Variants in LRMDA observed in about 807,000 individuals in gnomAD.
LRMDA encodes leucine rich melanocyte differentiation associated, also known as leucine-rich melanocyte differentiation-associated protein.
A neutral mutation model predicts 29.8 loss-of-function variants in LRMDA; 18 were observed. That is an observed-to-expected ratio of 0.60 (90% CI 0.42 to 0.90). The LOEUF (loss-of-function observed/expected upper bound fraction) is 0.90, where lower values mean the gene tolerates loss of function less well. Among genes scored for constraint, LRMDA ranks in the 40% least tolerant of loss-of-function variants. The probability of loss-of-function intolerance (pLI) is 0.00; values close to 1 mark genes in which losing one functional copy is unlikely to be tolerated. For synonymous variants in LRMDA, 125 were observed against 109.4 expected, an observed-to-expected ratio of 1.14 and a Z score of -0.89; for missense variants, 273 against 273.9, an observed-to-expected ratio of 1.00 and a Z score of 0.02.
chr10:76,225,541 A>T (rs1173717431), intron 5 of LRMDA, among the ~76,000 whole-genome samples: 2 of 152,032 alleles, frequency 1.3e-5, no homozygotes, highest in African/African-American at 2.4e-5. Context: ...TTGCTCTATT[A>T]TAAGTTCCTG....
intron 5 of LRMDA, among the ~76,000 whole-genome samples, chr10:76,221,734 C>CCAATGA (rs1473514177): frequency 1.3e-5 from 2 of 152,178 alleles, no homozygotes; most frequent in African/African-American, 4.8e-5. Context: ...CATCAAGCTA[C>CCAATGA]CAATGACTTT....
At chr10:76,330,801 A>G (rs974951964) in intron 6 of LRMDA, among the ~76,000 whole-genome samples, 1 of 152,206 alleles carries the variant, frequency 6.6e-6, no homozygotes, top group African/African-American at 2.4e-5. Context: ...GATTTCTACT[A>G]TCTTTTCATG....
At chr10:76,019,679 T>C (rs148038177) in intron 2 of LRMDA, among the ~76,000 whole-genome samples, 3 of 152,140 alleles carry the variant, frequency 2.0e-5, no homozygotes, top group African/African-American at 7.2e-5. Context: ...TTATTGACAG[T>C]GTTGTTGTTT....
At chr10:76,427,066 A>G (rs1468859548) in intron 6 of LRMDA, among the ~76,000 whole-genome samples, 1 of 152,222 alleles carries the variant, frequency 6.6e-6, no homozygotes, top group Admixed American at 6.5e-5. Flanking sequence ...CTTTTGGCTT[A>G]GGATTGACTT....
intron 5 of LRMDA, among the ~76,000 whole-genome samples, chr10:76,321,350 T>C (rs547996353): frequency 6.6e-6 from 1 of 152,314 alleles, no homozygotes; most frequent in South Asian, 2.1e-4. Context: ...TACCTGCTAT[T>C]GTGAGACTTA....
At position 76,558,720 on chromosome 10, in the gene LRMDA, C is replaced by T. The variant is rs1002000677; in HGVS notation, c.*1432C>T. On this transcript the variant is annotated 3_prime_UTR_variant, in exon 7 of 7. Transcript: ENST00000611255. ...TGTAAAACTATGGGGACTCAGAATC[C>T]CTAAGCTGCCCAAGGAGAACCTACT... 6.6e-6 allele frequency: 1 copy of T among 152,122 alleles called. No individual in the cohort carries two copies. The highest frequency in any genetic ancestry group is 2.4e-5 in the African/African-American group (1 of 41,418). The allele number at this position is 152,122 out of a possible 1,614,324, so 9.4% of individuals were successfully genotyped here. A position where few individuals can be genotyped will look rare whatever the true frequency, so the allele number is the denominator to read the frequency against.
intron 2 of LRMDA, among the ~76,000 whole-genome samples, chr10:75,849,422 C>G (rs1844694418): frequency 6.6e-6 from 1 of 151,898 alleles, no homozygotes; most frequent in Non-Finnish European, 1.5e-5. Flanking sequence ...ACTATAAAGC[C>G]ATAAAAAGGA....
intron 2 of LRMDA, among the ~76,000 whole-genome samples, chr10:75,613,750 C>G (rs1841064344): frequency 6.6e-6 from 1 of 152,178 alleles, no homozygotes; most frequent in African/African-American, 2.4e-5. Context: ...TGGATGTGAT[C>G]TCTGTTACTT....
At chr10:76,381,328 G>C (rs939884814) in intron 6 of LRMDA, among the ~76,000 whole-genome samples, 7 of 151,616 alleles carry the variant, frequency 4.6e-5, no homozygotes, top group African/African-American at 7.3e-5. Flanking sequence ...TTTGATATTT[G>C]GTATCTTCAA....
At chr10:76,093,303 G>T (rs891825080) in intron 5 of LRMDA, among the ~76,000 whole-genome samples, 3 of 151,182 alleles carry the variant, frequency 2.0e-5, no homozygotes, top group African/African-American at 7.3e-5. Flanking sequence ...GGGATTACAG[G>T]TGCAAGCCAC....
intron 5 of LRMDA, among the ~76,000 whole-genome samples, chr10:76,162,929 A>T (rs534454191): frequency 6.6e-6 from 1 of 152,330 alleles, no homozygotes; most frequent in South Asian, 2.1e-4. Flanking sequence ...TCTAAAAATG[A>T]AAAATCTCCC....
rs530120770 is a variant in LRMDA at position 76,013,522 on chromosome 10, G to C, written c.132-22486G>C. Among the ~76,000 whole-genome samples, 15 of 152,186 alleles carry C rather than the reference G, an allele frequency of 9.9e-5. No homozygotes were observed. In the South Asian group the frequency reaches 2.9e-3, roughly 29 times the overall value. ...CTCTTTAAGGATAAAAGGGTCTGTG[G>C]GTATACAAAGAAAGTGAGGGCCTTT... On this transcript the variant is annotated intron_variant, in intron 2 of 6. Coordinates refer to ENST00000611255, the MANE Select transcript of LRMDA (RefSeq NM_001305581.2).
chr10:75,603,230 A>G (rs554329294), intron 2 of LRMDA, among the ~76,000 whole-genome samples: 17 of 151,766 alleles, frequency 1.1e-4, no homozygotes, highest in African/African-American at 3.4e-4. Flanking sequence ...TCGGGTGAAG[A>G]AGGAAGATCA....
intron 5 of LRMDA, among the ~76,000 whole-genome samples, chr10:76,192,193 A>G (rs1851258963): frequency 6.6e-6 from 1 of 152,158 alleles, no homozygotes; most frequent in Admixed American, 6.5e-5. Context: ...GCTCTTTTAG[A>G]ATATTCTAGA....
At chr10:76,052,430 G>A (rs1356862792) in intron 4 of LRMDA, among the ~76,000 whole-genome samples, 1 of 151,822 alleles carries the variant, frequency 6.6e-6, no homozygotes, top group Non-Finnish European at 1.5e-5. Flanking sequence ...AGCAGCCATT[G>A]CCCTGGGGGG....
intron 5 of LRMDA, among the ~76,000 whole-genome samples, chr10:76,313,374 A>G (rs558439202): frequency 6.6e-6 from 1 of 152,346 alleles, no homozygotes; most frequent in African/African-American, 2.4e-5. Context: ...TATTATTACC[A>G]TTATCACTGT....
intron 6 of LRMDA, among the ~76,000 whole-genome samples, chr10:76,527,651 G>C (rs1325087037): frequency 6.6e-6 from 1 of 152,108 alleles, no homozygotes; most frequent in Non-Finnish European, 1.5e-5. Flanking sequence ...CGTTGAATGA[G>C]ATAATGTACC....
intron 2 of LRMDA, among the ~76,000 whole-genome samples, chr10:75,952,469 T>C (rs1024811791): frequency 6.6e-6 from 1 of 152,162 alleles, no homozygotes; most frequent in African/African-American, 2.4e-5. Flanking sequence ...GAAATGGGTT[T>C]CTTCAGATAC....
intron 5 of LRMDA, among the ~76,000 whole-genome samples, chr10:76,281,442 G>A (rs896398500): frequency 6.6e-6 from 1 of 152,010 alleles, no homozygotes; most frequent in South Asian, 2.1e-4. Context: ...GGTACATAAC[G>A]GCCCTATTGA....
Sources: gnomAD v4.1 joint callset for allele counts (sites outside exome capture counted in the v4.1 genomes callset) on GRCh38, gnomAD v4.1.1 for gene constraint, MANE v1.5 for transcripts, NCBI Gene and HGNC (gene_info 2026-07-23, HGNC 2026-07-21) for gene names.